VPS13B: variants seen among roughly 807,000 people sequenced by gnomAD.
The protein encoded by VPS13B is vacuolar protein sorting 13 homolog B, also known as intermembrane lipid transfer protein VPS13B.
VPS13B carries 285 observed loss-of-function variants against 426.4 expected under a neutral mutation model. The observed-to-expected ratio is 0.67, with a 90% CI of 0.61 to 0.74. VPS13B has a LOEUF of 0.74. Among genes scored for constraint, VPS13B ranks in the 30% least tolerant of loss-of-function variants. The pLI, the probability that VPS13B is intolerant of heterozygous loss-of-function variation, is 0.00. For synonymous variants in VPS13B, 1,676 were observed against 1,676.4 expected (o/e 1.00, Z 0.01); for missense variants, 4,537 against 4,782.6 (o/e 0.95, Z 1.51).
intron 33 of VPS13B, among the ~76,000 whole-genome samples, chr8:99,611,991 T>G (rs917294265): frequency 6.6e-6 from 1 of 152,134 alleles, no homozygotes; most frequent in Non-Finnish European, 1.5e-5. Flanking sequence ...TATAACTCCA[T>G]GAAATATAGG....
At chr8:99,181,517 C>T (rs1812945634) in intron 16 of VPS13B, among the ~76,000 whole-genome samples, 1 of 152,180 alleles carries the variant, frequency 6.6e-6, no homozygotes. Flanking sequence ...TGAGTTTCCT[C>T]ATTTGTAAAA....
chr8:99,475,761 A>G (rs1032273397), intron 24 of VPS13B, among the ~76,000 whole-genome samples: 21 of 152,252 alleles, frequency 1.4e-4, no homozygotes, highest in Admixed American at 3.9e-4. Flanking sequence ...TCCTTTCTTC[A>G]GTTATCTGGC....
At chr8:99,606,633 T>C (rs902775018) in intron 33 of VPS13B, among the ~76,000 whole-genome samples, 9 of 147,724 alleles carry the variant, frequency 6.1e-5, no homozygotes, top group African/African-American at 1.2e-4. Context: ...TCTTTTCTTT[T>C]TTTTTTTTTT....
At chr8:99,362,888 T>C (rs891144012) in intron 19 of VPS13B, among the ~76,000 whole-genome samples, 1 of 152,254 alleles carries the variant, frequency 6.6e-6, no homozygotes, top group Non-Finnish European at 1.5e-5. Flanking sequence ...GTATGTCTTC[T>C]TTTGAGACAT....
chr8:99,144,988 A>C (rs542969669), intron 13 of VPS13B, among the ~76,000 whole-genome samples: 2 of 152,304 alleles, frequency 1.3e-5, no homozygotes, highest in South Asian at 4.1e-4. Flanking sequence ...AACGGAGTGA[A>C]TCATGCATGT....
chr8:99,810,383 C>G (rs1813636572), intron 44 of VPS13B, among the ~76,000 whole-genome samples: 1 of 152,156 alleles, frequency 6.6e-6, no homozygotes, highest in African/African-American at 2.4e-5. Flanking sequence ...GCACTTAGTC[C>G]CTGGAAAAGG....
intron 24 of VPS13B, among the ~76,000 whole-genome samples, chr8:99,468,543 G>C (rs1007304916): frequency 7.2e-5 from 11 of 151,786 alleles, no homozygotes; most frequent in African/African-American, 2.2e-4. Flanking sequence ...ATTTTTAAGA[G>C]TACTTTTTTA....
At chr8:99,073,283 A>T (rs1341648363) in intron 3 of VPS13B, among the ~76,000 whole-genome samples, 1 of 152,090 alleles carries the variant, frequency 6.6e-6, no homozygotes, top group Non-Finnish European at 1.5e-5. Context: ...CTGGTATTTC[A>T]ATAGGGATTG....
chr8:99,245,670 T>C (rs1817175617), intron 17 of VPS13B, among the ~76,000 whole-genome samples: 1 of 152,182 alleles, frequency 6.6e-6, no homozygotes, highest in South Asian at 2.1e-4. Context: ...TAATCCCAAG[T>C]AGCTGGGATT....
chr8:99,424,227 C>T (rs1178431183), intron 21 of VPS13B: 20 of 152,106 alleles, frequency 1.3e-4, no homozygotes, highest in Non-Finnish European at 2.1e-4. Context: ...ACTAGGATTA[C>T]AACCCCTGCT....
At chr8:99,486,859 T>G (rs1028015565) in intron 25 of VPS13B, among the ~76,000 whole-genome samples, 5 of 152,192 alleles carry the variant, frequency 3.3e-5, no homozygotes, top group African/African-American at 1.2e-4. Context: ...ATTTCAAGTT[T>G]TGCTATCGTA....
chr8:99,124,882 C>CA (rs34328080), intron 8 of VPS13B, among the ~76,000 whole-genome samples: 956 of 86,180 alleles, frequency 0.011, 53 homozygotes, highest in Middle Eastern at 0.054. Context: ...GACTCCGTCT[C>CA]AAAAAAAAAA....
intron 33 of VPS13B, among the ~76,000 whole-genome samples, chr8:99,634,276 G>A (rs1226520660): frequency 6.6e-6 from 1 of 151,812 alleles, no homozygotes; most frequent in Non-Finnish European, 1.5e-5. Context: ...AGGTGTTATA[G>A]TCAGTTTAGC....
rs200571261 is a variant in VPS13B, at chr8:99,059,907, A to AT, written c.291+21349dup. On this transcript the variant is annotated intron_variant, in intron 3 of 61. Transcript: ENST00000357162. The stretch of plus-strand genomic sequence containing the variant: ...GCCATTATGCCCAGCTAATTTTTGT[A>AT]TTTTTTTTCGTAGAGACGGGGTTTC... 5.3e-3 allele frequency among the ~76,000 whole-genome samples: 791 copies of AT among 149,306 alleles called. 5 individuals carry two copies. The highest frequency in any genetic ancestry group is 0.018 in the African/African-American group (728 of 40,682).
chr8:99,170,747 T>C, intron 16 of VPS13B, among the ~76,000 whole-genome samples: 1 of 151,834 alleles, frequency 6.6e-6, no homozygotes. Context: ...CAGTTATAAA[T>C]TTTTAGTTTA....
intron 3 of VPS13B, among the ~76,000 whole-genome samples, chr8:99,045,326 T>C (rs1011053336): frequency 2.0e-5 from 3 of 152,232 alleles, no homozygotes; most frequent in Non-Finnish European, 4.4e-5. Flanking sequence ...TTTTTTCATA[T>C]GTTTGTTGGC....
intron 19 of VPS13B, among the ~76,000 whole-genome samples, chr8:99,331,615 A>T (rs1450031885): frequency 6.6e-6 from 1 of 151,830 alleles, no homozygotes; most frequent in Non-Finnish European, 1.5e-5. Context: ...TTGGTTAGTT[A>T]TGTTAACAAC....
At chr8:99,715,735 A>G (rs1274434884) in intron 36 of VPS13B, among the ~76,000 whole-genome samples, 2 of 152,188 alleles carry the variant, frequency 1.3e-5, no homozygotes, top group Non-Finnish European at 2.9e-5. Flanking sequence ...CATTCTGTTA[A>G]TGCTCATTTA....
At chr8:99,708,861 A>G (rs1269281077) in intron 36 of VPS13B, among the ~76,000 whole-genome samples, 1 of 151,510 alleles carries the variant, frequency 6.6e-6, no homozygotes, top group Non-Finnish European at 1.5e-5. Flanking sequence ...ATATATATAT[A>G]TAGGCTCTCT....
Sources: allele counts gnomAD v4.1 joint callset (sites outside exome capture counted in the v4.1 genomes callset), GRCh38; gene constraint gnomAD v4.1.1; transcripts MANE v1.5; gene names NCBI Gene and HGNC (gene_info 2026-07-23, HGNC 2026-07-21).